Variants in PLD1 observed in about 807,000 individuals in gnomAD.
The protein encoded by PLD1 is phospholipase D1, also known as choline phosphatase 1.
A neutral mutation model predicts 137.1 loss-of-function variants in PLD1; 112 were observed. The ratio of observed to expected loss-of-function variants is 0.82; its 90% CI spans 0.70 to 0.96. PLD1 has a LOEUF of 0.96. PLD1 is among the 40% of genes least tolerant of loss of function. The probability of loss-of-function intolerance (pLI) is 0.00; values close to 1 mark genes in which losing one functional copy is unlikely to be tolerated. For synonymous variants in PLD1, 431 were observed against 454.7 expected (o/e 0.95, Z 0.66); for missense variants, 1,321 against 1,342.0 (o/e 0.98, Z 0.24).
intron 1 of PLD1, chr3:171,809,557 G>A (rs571440557): frequency 6.6e-6 from 1 of 152,350 alleles, no homozygotes; most frequent in East Asian, 1.9e-4. Context: ...ATGGTCAAAC[G>A]AAGAAACTGT....
intron 1 of PLD1, among the ~76,000 whole-genome samples, chr3:171,748,701 A>G (rs1418259666): frequency 6.6e-6 from 1 of 151,844 alleles, no homozygotes; most frequent in Non-Finnish European, 1.5e-5. Flanking sequence ...GTACCATGGT[A>G]GATATGTGAT....
At chr3:171,629,516 A>C (rs1734463035) in intron 23 of PLD1, among the ~76,000 whole-genome samples, 1 of 152,260 alleles carries the variant, frequency 6.6e-6, no homozygotes, top group Non-Finnish European at 1.5e-5. Flanking sequence ...AAACTACTTT[A>C]AAGTTCACAT....
At chr3:171,663,104 AG>A (rs1711690682) in intron 19 of PLD1, among the ~76,000 whole-genome samples, 1 of 152,224 alleles carries the variant, frequency 6.6e-6, no homozygotes, top group African/African-American at 2.4e-5. Context: ...CCCACTGGCC[AG>A]GGGCATACCA....
intron 25 of PLD1, chr3:171,611,490 T>C (rs578017928): frequency 2.2e-5 from 10 of 452,754 alleles, no homozygotes; most frequent in African/African-American, 1.6e-4. Flanking sequence ...TAACACTTTA[T>C]TGAATGGACT....
intron 23 of PLD1, among the ~76,000 whole-genome samples, chr3:171,626,281 GC>G (rs1734101416): frequency 6.6e-6 from 1 of 152,180 alleles, no homozygotes; most frequent in Admixed American, 6.5e-5. Flanking sequence ...ATGAAATGAA[GC>G]GAGAAGGGAA....
At chr3:171,614,835 A>G (rs899068860) in intron 24 of PLD1, among the ~76,000 whole-genome samples, 5 of 152,146 alleles carry the variant, frequency 3.3e-5, no homozygotes, top group Non-Finnish European at 7.4e-5. Flanking sequence ...CCGCACACAC[A>G]TTCTCCCACG....
chr3:171,703,039 T>C (rs1189897286), intron 11 of PLD1, among the ~76,000 whole-genome samples: 4 of 152,190 alleles, frequency 2.6e-5, no homozygotes, highest in African/African-American at 7.2e-5. Context: ...GATATAAGGT[T>C]GGTTTAAAAG....
intron 12 of PLD1, among the ~76,000 whole-genome samples, chr3:171,695,749 C>T (rs183931695): frequency 2.0e-5 from 3 of 150,444 alleles, no homozygotes; most frequent in Non-Finnish European, 3.0e-5. Flanking sequence ...CCCCACCCCC[C>T]CAACCCAGGA....
At chr3:171,620,107 T>C (rs1733462949) in intron 24 of PLD1, among the ~76,000 whole-genome samples, 2 of 152,296 alleles carry the variant, frequency 1.3e-5, no homozygotes, top group South Asian at 4.1e-4. Context: ...AAGTGATAGG[T>C]ACTGCAATTG....
chr3:171,685,124 T>C (rs1714419454), intron 16 of PLD1, among the ~76,000 whole-genome samples: 1 of 152,230 alleles, frequency 6.6e-6, no homozygotes, highest in Non-Finnish European at 1.5e-5. Context: ...TAATTTTTTT[T>C]TGCAACTTTT....
chr3:171,663,705 T>C (rs574420193), intron 19 of PLD1, among the ~76,000 whole-genome samples: 1 of 152,328 alleles, frequency 6.6e-6, no homozygotes, highest in East Asian at 1.9e-4. Context: ...CAGTATGATG[T>C]TGGCATATAG....
chr3:171,709,744 T>C lies in PLD1; in HGVS notation c.912-35A>G, dbSNP rs372386877. The C allele has an allele frequency of 5.0e-6, 8 of 1,587,852 alleles. No homozygotes were observed. In the African/African-American group the frequency reaches 1.1e-4, roughly 21 times the overall value. ...AAAAGCCAAATATTGAAAAGACTGGTCACTCTGTTCTATCTCATGCTCTTT... is the reference window on the plus strand; with the variant it reads ...AAAAGCCAAATATTGAAAAGACTGGCCACTCTGTTCTATCTCATGCTCTTT... On this transcript the variant is annotated intron_variant, in intron 9 of 26. Coordinates refer to ENST00000351298, the MANE Select transcript of PLD1 (RefSeq NM_002662.5).
intron 4 of PLD1, 74 bp downstream of exon 4, chr3:171,735,418 G>T: frequency 7.8e-7 from 1 of 1,284,480 alleles, no homozygotes; most frequent in Middle Eastern, 1.9e-4. Flanking sequence ...TTACAGGTGT[G>T]AGCTACCACA....
chr3:171,624,186 A>C (rs1201261789), intron 23 of PLD1, among the ~76,000 whole-genome samples: 2 of 152,186 alleles, frequency 1.3e-5, no homozygotes, highest in East Asian at 3.8e-4. Context: ...ATTGAAGGGA[A>C]AAGAAAATCA....
At chr3:171,615,058 T>C (rs1249941255) in intron 24 of PLD1, among the ~76,000 whole-genome samples, 1 of 152,292 alleles carries the variant, frequency 6.6e-6, no homozygotes, top group East Asian at 1.9e-4. Context: ...ATGAGAAAAT[T>C]TTAGATGAAT....
In PLD1 at chr3:171,734,867, T is replaced by C; in HGVS notation, c.538A>G (p.Arg180Gly). 1.3e-6 allele frequency: 2 copies of C among 1,588,392 alleles called. No individual in the cohort carries two copies. Among genetic ancestry groups the C allele is most frequent in the Non-Finnish European group, 1.7e-6 (2 of 1,156,724 alleles). The change falls in exon 5 of 27, where the codon AGA becomes GGA. Residue 180 changes from arginine to glycine, a missense_variant and splice_region_variant. Coordinates refer to ENST00000351298, the MANE Select transcript of PLD1 (RefSeq NM_002662.5). Reference sequence around the variant, plus strand: ...CACAGAATAGTGAAGAAACTTACTCTTCTACCAAGGAATTGTTCTTCTCTT... The same window carrying C: ...CACAGAATAGTGAAGAAACTTACTCCTCTACCAAGGAATTGTTCTTCTCTT... Reference protein sequence around the residue: ...MIREEQFLGRRKQLEDYLTKI... With the variant: ...MIREEQFLGRGKQLEDYLTKI...
intron 19 of PLD1, among the ~76,000 whole-genome samples, chr3:171,664,423 A>G (rs998996880): frequency 6.6e-6 from 1 of 152,006 alleles, no homozygotes; most frequent in Non-Finnish European, 1.5e-5. Context: ...AACGTATACA[A>G]TTGCAGATTA....
rs541886821 is a variant in PLD1, at chr3:171,672,270, G to C, written c.2229+2230C>G. 9.2e-5 allele frequency among the ~76,000 whole-genome samples: 14 copies of C among 152,290 alleles called. No homozygotes were observed. The East Asian group carries it at 2.7e-3, about 29-fold the overall frequency. On this transcript the variant is annotated intron_variant, in intron 19 of 26. Transcript: ENST00000351298. ...TCCAGAGGCAAAGAACTCCTTTGCT[G>C]TCTGCCCTCTCGACACCCAAGTGTG... is the stretch of plus-strand genomic sequence containing the variant.
chr3:171,639,820 TTCTCTCTC>T (rs778938858), intron 23 of PLD1, among the ~76,000 whole-genome samples: 5 of 118,080 alleles, frequency 4.2e-5, no homozygotes, highest in Non-Finnish European at 8.3e-5. Context: ...TTTACATAAT[TTCTCTCTC>T]TCTCTCTCTC....
Sources: gnomAD v4.1 joint callset for allele counts (sites outside exome capture counted in the v4.1 genomes callset) on GRCh38, gnomAD v4.1.1 for gene constraint, MANE v1.5 for transcripts, NCBI Gene and HGNC (gene_info 2026-07-23, HGNC 2026-07-21) for gene names.